The following FHIT variants were observed in gnomAD, a reference collection of about 807,000 sequenced individuals.
FHIT encodes the protein fragile histidine triad diadenosine triphosphatase.
FHIT carries 19 observed loss-of-function variants against 17.9 expected under a neutral mutation model. The observed-to-expected ratio is 1.06, with a 90% CI of 0.74 to 1.56. FHIT has a LOEUF of 1.56. Among genes scored for constraint, FHIT ranks in the 40% most tolerant of loss-of-function variants. The pLI is 0.00. For synonymous variants in FHIT, 81 were observed against 69.7 expected, an observed-to-expected ratio of 1.16 and a Z score of -0.81; for missense variants, 248 against 189.2, an observed-to-expected ratio of 1.31 and a Z score of -1.82.
At chr3:60,538,078 C>G (rs992141243) in intron 4 of FHIT, among the ~76,000 whole-genome samples, 1 of 152,130 alleles carries the variant, frequency 6.6e-6, no homozygotes, top group Non-Finnish European at 1.5e-5. Context: ...CTAGCAGCCT[C>G]TAAGAGTCTA....
intron 2 of FHIT, among the ~76,000 whole-genome samples, chr3:61,172,303 A>C (rs1182446077): frequency 6.6e-6 from 1 of 152,214 alleles, no homozygotes; most frequent in Non-Finnish European, 1.5e-5. Flanking sequence ...GTGATCTCTA[A>C]TGTAAACTTA....
At chr3:60,151,883 C>A (rs981003872) in intron 5 of FHIT, among the ~76,000 whole-genome samples, 8 of 152,138 alleles carry the variant, frequency 5.3e-5, no homozygotes, top group African/African-American at 1.9e-4. Flanking sequence ...CCTCCTAGCA[C>A]CTGCAACTAT....
chr3:61,003,223 C>G (rs2107607559), intron 3 of FHIT, among the ~76,000 whole-genome samples: 1 of 152,324 alleles, frequency 6.6e-6, no homozygotes, highest in South Asian at 2.1e-4. Context: ...TACCATTTGC[C>G]TGTAAATTCA....
chr3:60,214,181 A>G (rs1199200050), intron 5 of FHIT, among the ~76,000 whole-genome samples: 3 of 152,170 alleles, frequency 2.0e-5, no homozygotes, highest in Non-Finnish European at 4.4e-5. Context: ...TTTTTTTGAA[A>G]AAGCAATTGT....
At chr3:60,634,289 AAC>A (rs1270601600) in intron 4 of FHIT, among the ~76,000 whole-genome samples, 5 of 141,572 alleles carry the variant, frequency 3.5e-5, no homozygotes, top group Middle Eastern at 3.7e-3. Flanking sequence ...ACTCTAAAAC[AAC>A]AAAAAAAAAA....
At chr3:60,202,786 C>T (rs143504423) in intron 5 of FHIT, among the ~76,000 whole-genome samples, 44 of 152,228 alleles carry the variant, frequency 2.9e-4, no homozygotes, top group African/African-American at 1.0e-3. Flanking sequence ...TTTATGTATG[C>T]TCTGTCTTCG....
At chr3:59,908,782 G>C (rs1204845010) in intron 8 of FHIT, among the ~76,000 whole-genome samples, 1 of 152,082 alleles carries the variant, frequency 6.6e-6, no homozygotes, top group African/African-American at 2.4e-5. Context: ...GCCCAGGGCT[G>C]ATGAGATGGT....
chr3:60,633,978 G>A lies in FHIT; in HGVS notation c.-17-96999C>T, dbSNP rs1268711049. Reference sequence around the variant, plus strand: ...TTCTTCATGTTTCATTAGTTTCCAGGTTTTAAACAATTTTAACCTTCTCTC... The same window carrying A: ...TTCTTCATGTTTCATTAGTTTCCAGATTTTAAACAATTTTAACCTTCTCTC... On this transcript the variant is annotated intron_variant, in intron 4 of 9. Coordinates refer to ENST00000492590, the MANE Select transcript of FHIT (RefSeq NM_002012.4). Among the ~76,000 whole-genome samples the A allele has an allele frequency of 3.9e-5, 6 of 152,124 alleles. No homozygotes were observed. In the East Asian group the frequency reaches 1.2e-3, roughly 29 times the overall value.
intron 3 of FHIT, among the ~76,000 whole-genome samples, chr3:61,023,912 GC>G (rs2032593751): frequency 6.6e-6 from 1 of 151,918 alleles, no homozygotes; most frequent in Admixed American, 6.6e-5. Context: ...GAAAACCTAG[GC>G]AATACCATTC....
At chr3:60,650,431 T>C (rs1553687991) in intron 4 of FHIT, among the ~76,000 whole-genome samples, 1 of 152,110 alleles carries the variant, frequency 6.6e-6, no homozygotes, top group Non-Finnish European at 1.5e-5. Context: ...AAGCCGAGGG[T>C]CTGGTAGTCA....
rs13066408 is a variant in FHIT, at chr3:59,799,666, C to A, written c.349-47345G>T. On this transcript the variant is annotated intron_variant, in intron 8 of 9. Transcript: ENST00000492590. ...GGAGGGGGATAGGGAAGAGAAGAGA[C>A]CCTTTCTTCCATTTATTTCATTTAG... Among the ~76,000 whole-genome samples, 5 of 151,850 alleles carry A rather than the reference C, an allele frequency of 3.3e-5. No individual in the cohort carries two copies. The East Asian group carries it at 5.8e-4, about 18-fold the overall frequency.
chr3:60,013,878 C>CTT lies in FHIT; in HGVS notation c.249+127_249+128dup, dbSNP rs201910147. ...TAGGGTTGCCCTGCATTAGAAATCT[C>CTT]TTTTTTTGGCTGCTACCTAAAATAC... On this transcript the variant is annotated intron_variant, in intron 6 of 9. Coordinates refer to ENST00000492590, the MANE Select transcript of FHIT (RefSeq NM_002012.4). 3 of 969,034 alleles carry CTT rather than the reference C, an allele frequency of 3.1e-6. No individual in the cohort carries two copies. The African/African-American group carries it at 4.9e-5, about 16-fold the overall frequency. The allele number at this position is 969,034 out of a possible 1,614,324, so 60.0% of individuals were successfully genotyped here.
intron 5 of FHIT, among the ~76,000 whole-genome samples, chr3:60,127,408 G>C (rs1705604103): frequency 6.6e-6 from 1 of 152,110 alleles, no homozygotes; most frequent in African/African-American, 2.4e-5. Flanking sequence ...GCTTCTGCAA[G>C]TGATTAAAAT....
At chr3:60,208,323 T>C (rs1703294827) in intron 5 of FHIT, among the ~76,000 whole-genome samples, 1 of 152,202 alleles carries the variant, frequency 6.6e-6, no homozygotes, top group South Asian at 2.1e-4. Context: ...ACAAATTTTC[T>C]TGATCCTTTG....
At chr3:60,248,011 A>T (rs1455617326) in intron 5 of FHIT, among the ~76,000 whole-genome samples, 1 of 152,158 alleles carries the variant, frequency 6.6e-6, no homozygotes, top group East Asian at 1.9e-4. Context: ...TGAATATGCA[A>T]GGTTTGGAAT....
chr3:60,883,593 G>T (rs1365132001), intron 3 of FHIT, among the ~76,000 whole-genome samples: 4 of 152,046 alleles, frequency 2.6e-5, no homozygotes, highest in Admixed American at 2.0e-4. Context: ...TTGACAAAAT[G>T]CCAAAAACAT....
chr3:60,182,146 T>C (rs556569573), intron 5 of FHIT, among the ~76,000 whole-genome samples: 2 of 152,322 alleles, frequency 1.3e-5, no homozygotes, highest in Non-Finnish European at 2.9e-5. Context: ...AGTGTCTTTA[T>C]GCTAATGAGC....
At chr3:60,871,890 T>C (rs1414172636) in intron 3 of FHIT, among the ~76,000 whole-genome samples, 2 of 152,086 alleles carry the variant, frequency 1.3e-5, no homozygotes, top group African/African-American at 4.8e-5. Flanking sequence ...CTTGAACTTC[T>C]GGACTCAAAT....
At chr3:60,562,434 A>G (rs1009312358) in intron 4 of FHIT, among the ~76,000 whole-genome samples, 1 of 152,186 alleles carries the variant, frequency 6.6e-6, no homozygotes, top group Non-Finnish European at 1.5e-5. Flanking sequence ...GGCGTCTCCA[A>G]GAAGAAAAGT....
Sources: allele counts gnomAD v4.1 joint callset (sites outside exome capture counted in the v4.1 genomes callset), GRCh38; gene constraint gnomAD v4.1.1; transcripts MANE v1.5; gene names NCBI Gene and HGNC (gene_info 2026-07-23, HGNC 2026-07-21).